The following LRP1B variants were observed in gnomAD, a reference collection of about 807,000 sequenced individuals.
LRP1B encodes the protein LDL receptor related protein 1B.
LRP1B carries 217 observed loss-of-function variants against 556.6 expected under a neutral mutation model. That is an observed-to-expected ratio of 0.39 (90% CI 0.35 to 0.44). LRP1B has a LOEUF of 0.44. LRP1B is among the 20% of genes least tolerant of loss of function. LRP1B has a pLI of 1.00. For missense variants in LRP1B, 5,053 were observed against 5,620.8 expected (o/e 0.90, Z 3.23); for synonymous variants, 2,047 against 1,865.8 (o/e 1.10, Z -2.50).
chr2:140,777,329 A>C (rs990950932), intron 32 of LRP1B, among the ~76,000 whole-genome samples: 3 of 152,240 alleles, frequency 2.0e-5, no homozygotes, highest in Admixed American at 1.3e-4. Context: ...AACTAGCCAC[A>C]GCTCTTTTCT....
chr2:140,346,840 G>T (rs1036529779), intron 77 of LRP1B, among the ~76,000 whole-genome samples: 1 of 151,636 alleles, frequency 6.6e-6, no homozygotes, highest in East Asian at 1.9e-4. Context: ...AAAGCTTTTT[G>T]GGAAAACAAA....
rs1559072811 is a variant in LRP1B at position 140,716,078 on chromosome 2, C to A, written c.5918G>T (p.Gly1973Val). 6.2e-7 allele frequency: 1 copy of A among 1,604,776 alleles called. No homozygotes were observed. The highest frequency in any genetic ancestry group is 8.5e-7 in the Non-Finnish European group (1 of 1,172,766). The change falls in exon 37 of 91, where the codon GGT becomes GTT. Residue 1973 changes from glycine to valine, a missense_variant. This residue lies in a region of LRP1B where 3,619 missense variants were observed against 3,931.9 expected (regional missense o/e 0.92). Transcript: ENST00000389484. ...IAGNIYWTDH[G>V]FNLIEVARLN... ...TCTTGCAACTTCAATTAAGTTGAAACCATGATCTGTCCAATATATGTTACC... is the reference window on the plus strand; with the variant it reads ...TCTTGCAACTTCAATTAAGTTGAAAACATGATCTGTCCAATATATGTTACC...
intron 43 of LRP1B, among the ~76,000 whole-genome samples, chr2:140,589,392 TA>T (rs146411070): frequency 2.3e-4 from 35 of 150,852 alleles, no homozygotes; most frequent in Admixed American, 1.1e-3. Flanking sequence ...GTCAGTTTCT[TA>T]AAAAAAAACT....
chr2:141,498,382 A>G (rs2105127138), intron 2 of LRP1B, among the ~76,000 whole-genome samples: 1 of 147,478 alleles, frequency 6.8e-6, no homozygotes, highest in East Asian at 2.0e-4. Context: ...TTTTTTGGCT[A>G]AGGTTCTGAG....
At chr2:140,598,046 C>A (rs999708421) in intron 43 of LRP1B, among the ~76,000 whole-genome samples, 2 of 152,222 alleles carry the variant, frequency 1.3e-5, no homozygotes, top group African/African-American at 4.8e-5. Context: ...GACAAGGGGG[C>A]GCCCTAGCAT....
chr2:140,397,374 G>T (rs565967893), intron 66 of LRP1B, among the ~76,000 whole-genome samples: 2 of 152,120 alleles, frequency 1.3e-5, no homozygotes, highest in African/African-American at 4.8e-5. Context: ...ACAGGCTCCA[G>T]TGTGTGTTGT....
At chr2:140,306,698 G>T (rs943290298) in intron 83 of LRP1B, among the ~76,000 whole-genome samples, 2 of 151,774 alleles carry the variant, frequency 1.3e-5, no homozygotes, top group African/African-American at 4.8e-5. Context: ...CCTTCTGCTA[G>T]CTTTTGAATG....
chr2:140,608,236 C>T (rs1454981775), intron 41 of LRP1B, among the ~76,000 whole-genome samples: 1 of 151,966 alleles, frequency 6.6e-6, no homozygotes, highest in African/African-American at 2.4e-5. Context: ...AAATTAAAAT[C>T]AATAGTTGTA....
At chr2:141,223,594 A>G (rs1015576955) in intron 6 of LRP1B, among the ~76,000 whole-genome samples, 1 of 152,218 alleles carries the variant, frequency 6.6e-6, no homozygotes, top group Non-Finnish European at 1.5e-5. Flanking sequence ...AAGAAAAAGA[A>G]CAAAGCTGGA....
rs545672373 is a variant in LRP1B at position 141,566,856 on chromosome 2, T to A, written c.206-86323A>T. 1.6e-4 allele frequency among the ~76,000 whole-genome samples: 25 copies of A among 152,044 alleles called. No homozygotes were observed. In the South Asian group the frequency reaches 5.0e-3, roughly 30 times the overall value. On this transcript the variant is annotated intron_variant, in intron 2 of 90. Transcript: ENST00000389484. ...CTTGGACAAGAGACTGAGACTCCCATCTCTTAAAAAAAATTAAAAATAAAA... is the reference window on the plus strand; with the variant it reads ...CTTGGACAAGAGACTGAGACTCCCAACTCTTAAAAAAAATTAAAAATAAAA...
intron 1 of LRP1B, among the ~76,000 whole-genome samples, chr2:141,975,143 T>G (rs1465015529): frequency 6.6e-6 from 1 of 152,040 alleles, no homozygotes; most frequent in Non-Finnish European, 1.5e-5. Context: ...TAGTCATATT[T>G]TACCCTACTG....
chr2:141,415,113 C>G (rs1221022927), intron 3 of LRP1B, among the ~76,000 whole-genome samples: 1 of 152,192 alleles, frequency 6.6e-6, no homozygotes, highest in African/African-American at 2.4e-5. Flanking sequence ...CTCCCGGGTT[C>G]ACGCCATTCT....
chr2:141,270,434 T>C (rs956924112), intron 3 of LRP1B, among the ~76,000 whole-genome samples: 11 of 152,076 alleles, frequency 7.2e-5, no homozygotes, highest in African/African-American at 2.7e-4. Flanking sequence ...CTTCTGGGCA[T>C]TACTCAAAAG....
At chr2:141,330,872 T>C (rs2683851) in intron 3 of LRP1B, among the ~76,000 whole-genome samples, 90,264 of 151,498 alleles carry the variant, frequency 0.6, 28,078 homozygotes, top group African/African-American at 0.73. Context: ...CCTGCCTCAG[T>C]CTCCCAAGTA....
intron 1 of LRP1B, among the ~76,000 whole-genome samples, chr2:142,021,363 C>G (rs192938297): frequency 6.6e-6 from 1 of 152,046 alleles, no homozygotes; most frequent in East Asian, 1.9e-4. Context: ...AGGCCCACAA[C>G]AATATTACTT....
In LRP1B at chr2:141,434,581, A is replaced by AT. The variant is rs111876443; in HGVS notation, c.343+45814dup. On this transcript the variant is annotated intron_variant, in intron 3 of 90. Transcript: ENST00000389484. The stretch of plus-strand genomic sequence containing the variant: ...CTTGAAGTCTGTTTCTAAATGTACC[A>AT]TTTGGGGTCTGTCAATGGCAGTTTT... 6.3e-4 allele frequency among the ~76,000 whole-genome samples: 96 copies of AT among 152,236 alleles called. 1 individual carries two copies. The highest frequency in any genetic ancestry group is 1.9e-3 in the African/African-American group (80 of 41,562).
chr2:142,032,418 A>G (rs1178932857), intron 1 of LRP1B, among the ~76,000 whole-genome samples: 1 of 151,742 alleles, frequency 6.6e-6, no homozygotes, highest in Non-Finnish European at 1.5e-5. Flanking sequence ...TCGGCTCCTA[A>G]CCATGCTCAA....
rs144721056 is a variant in LRP1B at position 140,554,556 on chromosome 2, A to C, written c.7195-12585T>G. Among the ~76,000 whole-genome samples, 541 of 152,138 alleles carry C rather than the reference A, an allele frequency of 3.6e-3. 4 individuals carry two copies. Among genetic ancestry groups the C allele is most frequent in the African/African-American group, 0.013 (527 of 41,552 alleles). Reference sequence around the variant, plus strand: ...TTGGGAATCCTCCTCCAGCTGCCCAAGGTAAAATGGCTTCTTTTTCCTCTC... The same window carrying C: ...TTGGGAATCCTCCTCCAGCTGCCCACGGTAAAATGGCTTCTTTTTCCTCTC... On this transcript the variant is annotated intron_variant, in intron 43 of 90. Transcript: ENST00000389484.
At chr2:140,803,746 C>T (rs868198000) in intron 32 of LRP1B, among the ~76,000 whole-genome samples, 1 of 151,912 alleles carries the variant, frequency 6.6e-6, no homozygotes, top group Non-Finnish European at 1.5e-5. Context: ...TCATAGTTTA[C>T]AAATTGTAGA....
Sources: gnomAD v4.1 joint callset for allele counts (sites outside exome capture counted in the v4.1 genomes callset) on GRCh38, gnomAD v4.1.1 for gene constraint, gnomAD v4.1.1 regional missense constraint, MANE v1.5 for transcripts, NCBI Gene and HGNC (gene_info 2026-07-23, HGNC 2026-07-21) for gene names.